The following MBTPS1 variants were observed in gnomAD, a reference collection of about 807,000 sequenced individuals.
The protein encoded by MBTPS1 is membrane bound transcription factor peptidase, site 1, also known as membrane-bound transcription factor site-1 protease.
Under a neutral mutation model 127.8 loss-of-function variants are expected in MBTPS1, and 94 were observed. The ratio of observed to expected loss-of-function variants is 0.74; its 90% confidence interval spans 0.62 to 0.87. MBTPS1 has a LOEUF of 0.87. Ranked by LOEUF, MBTPS1 falls within the 40% of genes least tolerant of loss-of-function variation. MBTPS1 has a pLI of 0.00. For synonymous variants in MBTPS1, 632 were observed against 509.4 expected, an observed-to-expected ratio of 1.24 and a Z score of -3.24; for missense variants, 1,636 against 1,353.2, an observed-to-expected ratio of 1.21 and a Z score of -3.28.
chr16:84,099,476 G>C (rs2086224908), intron 2 of MBTPS1, among the ~76,000 whole-genome samples, 166 bp from the exon 3 acceptor site: 1 of 152,196 alleles, frequency 6.6e-6, no homozygotes, highest in East Asian at 1.9e-4. Flanking sequence ...GCTGTCTGCA[G>C]AGCTTTGAGG....
chr16:84,091,423 T>C (rs973782120), intron 7 of MBTPS1, among the ~76,000 whole-genome samples: 21 of 146,812 alleles, frequency 1.4e-4, no homozygotes, highest in African/African-American at 4.8e-4. Context: ...GAGGCGGAGG[T>C]TGCAGTGAGC....
intron 10 of MBTPS1, among the ~76,000 whole-genome samples, chr16:84,084,061 G>C (rs940424076): frequency 2.8e-4 from 43 of 152,174 alleles, no homozygotes; most frequent in African/African-American, 1.0e-3. Context: ...CCGGGTTCAA[G>C]CAATTTTCCT....
chr16:84,103,925 C>A (rs2086290521), intron 1 of MBTPS1, among the ~76,000 whole-genome samples: 1 of 152,148 alleles, frequency 6.6e-6, no homozygotes, highest in African/African-American at 2.4e-5. Flanking sequence ...ACAATGCCAA[C>A]TGCAAGAGCA....
intron 6 of MBTPS1, among the ~76,000 whole-genome samples, chr16:84,092,724 G>C (rs934954204): frequency 6.6e-6 from 1 of 152,212 alleles, no homozygotes; most frequent in Non-Finnish European, 1.5e-5. Flanking sequence ...AATGAAGAGT[G>C]AAGGAACAAG....
intron 3 of MBTPS1, among the ~76,000 whole-genome samples, chr16:84,096,195 G>C (rs2086177604): frequency 6.6e-6 from 1 of 152,138 alleles, no homozygotes; most frequent in African/African-American, 2.4e-5. Context: ...AGCATTCATT[G>C]AGTTTTATTT....
chr16:84,097,141 C>A (rs2086188503), intron 3 of MBTPS1, among the ~76,000 whole-genome samples: 1 of 152,100 alleles, frequency 6.6e-6, no homozygotes, highest in Non-Finnish European at 1.5e-5. Flanking sequence ...ACTACTGTCA[C>A]GCAGAAAACA....
chr16:84,101,125 C>T (rs935519552), intron 2 of MBTPS1, among the ~76,000 whole-genome samples: 8 of 151,962 alleles, frequency 5.3e-5, no homozygotes, highest in African/African-American at 1.9e-4. Context: ...GTGGTGAAAC[C>T]CCATCTCTAC....
At chr16:84,098,868 C>G (rs2086214960) in intron 3 of MBTPS1, among the ~76,000 whole-genome samples, 185 bp downstream of exon 3, 1 of 152,010 alleles carries the variant, frequency 6.6e-6, no homozygotes, top group Non-Finnish European at 1.5e-5. Context: ...AATTCTGCCC[C>G]CCCAACACCG....
intron 17 of MBTPS1, among the ~76,000 whole-genome samples, chr16:84,066,228 T>C (rs1446281349): frequency 6.6e-6 from 1 of 152,212 alleles, no homozygotes; most frequent in Non-Finnish European, 1.5e-5. Flanking sequence ...TGTGAGGTAG[T>C]TCCTATTTGG....
chr16:84,099,410 C>CT (rs2086224101), intron 2 of MBTPS1, 100 bp from the exon 3 acceptor site: 1 of 1,214,848 alleles, frequency 8.2e-7, no homozygotes, highest in South Asian at 1.5e-5. Flanking sequence ...GAAAAATTAT[C>CT]TTAAAGCCCA....
At chr16:84,103,750 C>G (rs1415726287) in intron 1 of MBTPS1, among the ~76,000 whole-genome samples, 1 of 152,028 alleles carries the variant, frequency 6.6e-6, no homozygotes, top group African/African-American at 2.4e-5. Context: ...ATCCAAAAAA[C>G]GTTTTTACTT....
chr16:84,059,808 C>A, intron 20 of MBTPS1: 8 of 155,436 alleles, frequency 5.1e-5, no homozygotes, highest in Middle Eastern at 3.3e-3. Flanking sequence ...ATTCTCTGGC[C>A]AAATAAAAAA....
In MBTPS1 at chr16:84,093,110, G is replaced by C. The variant is rs769565678; in HGVS notation, c.846+78C>G. 42 of 945,726 alleles carry C rather than the reference G, an allele frequency of 4.4e-5. No individual in the cohort carries two copies. The African/African-American group carries it at 6.1e-4, about 14-fold the overall frequency. The allele number at this position is 945,726 out of a possible 1,614,324, so 58.6% of individuals were successfully genotyped here. A position where few individuals can be genotyped will look rare whatever the true frequency, so the allele number is the denominator to read the frequency against. ...ACTGACGTGCACTCCTTTTACACAA[G>C]TGTGTACAGTCCAGTGATTCTGCTT... On this transcript the variant is annotated intron_variant, in intron 6 of 22. Transcript: ENST00000343411.
intron 19 of MBTPS1, among the ~76,000 whole-genome samples, chr16:84,063,005 G>A (rs916463292): frequency 2.0e-5 from 3 of 152,256 alleles, no homozygotes; most frequent in Admixed American, 2.0e-4. Flanking sequence ...GGAAGTCAGG[G>A]AAGGGACTCT....
intron 9 of MBTPS1, among the ~76,000 whole-genome samples, chr16:84,085,348 C>T (rs2086005104): frequency 6.6e-6 from 1 of 152,186 alleles, no homozygotes. Flanking sequence ...AGGTGGACTG[C>T]TTGAGCCCAG....
chr16:84,074,397 G>A lies in MBTPS1; in HGVS notation c.1593+200C>T, dbSNP rs549235035. ...CCACGGGCACACACCACCATCCCTG[G>A]CTAATTTCTTTATTATTTGTAGAGA... On this transcript the variant is annotated intron_variant, in intron 12 of 22. Coordinates refer to ENST00000343411, the MANE Select transcript of MBTPS1 (RefSeq NM_003791.4). Among the ~76,000 whole-genome samples, 3 of 152,204 alleles carry A rather than the reference G, an allele frequency of 2.0e-5. No individual in the cohort carries two copies. The South Asian group carries it at 6.2e-4, about 32-fold the overall frequency.
intron 9 of MBTPS1, among the ~76,000 whole-genome samples, chr16:84,086,908 T>A (rs1567491480): frequency 6.6e-6 from 1 of 152,172 alleles, no homozygotes. Context: ...TAAATACAAT[T>A]GTTTCTGTGT....
At chr16:84,102,647 C>T (rs901901130) in intron 1 of MBTPS1, among the ~76,000 whole-genome samples, 1 of 152,158 alleles carries the variant, frequency 6.6e-6, no homozygotes, top group Non-Finnish European at 1.5e-5. Context: ...AACTCAATCC[C>T]CAGAGCATTT....
chr16:84,092,910 G>A (rs1183782304), intron 6 of MBTPS1, among the ~76,000 whole-genome samples: 2 of 152,206 alleles, frequency 1.3e-5, no homozygotes, highest in Non-Finnish European at 2.9e-5. Flanking sequence ...GGGAAGCCTG[G>A]AGGTAGAGAA....
Sources: allele counts gnomAD v4.1 joint callset (sites outside exome capture counted in the v4.1 genomes callset), GRCh38; gene constraint gnomAD v4.1.1; transcripts MANE v1.5; gene names NCBI Gene and HGNC (gene_info 2026-07-23, HGNC 2026-07-21).